The following EYA2 variants were observed in gnomAD, a reference collection of about 807,000 sequenced individuals.
The protein encoded by EYA2 is protein phosphatase EYA2.
EYA2 carries 31 observed loss-of-function variants against 69.2 expected under a neutral mutation model. That is an observed-to-expected ratio of 0.45 (90% confidence interval 0.34 to 0.60). EYA2 has a LOEUF of 0.60. Among genes scored for constraint, EYA2 ranks in the 20% least tolerant of loss-of-function variants. EYA2 has a pLI of 0.02. For synonymous variants in EYA2, 257 were observed against 279.4 expected, an observed-to-expected ratio of 0.92 and a Z score of 0.80; for missense variants, 622 against 701.2, an observed-to-expected ratio of 0.89 and a Z score of 1.28.
rs370597736 is a variant in EYA2, at chr20:47,158,665, A to T, written c.979-10474A>T. Among the ~76,000 whole-genome samples the T allele has an allele frequency of 1.7e-4, 26 of 152,128 alleles. 3 individuals carry two copies. In the East Asian group the frequency reaches 3.0e-3, roughly 17 times the overall value. ...CCAGAGCTCCATGGAGAAATGGCTG[A>T]TTCTAGGGCTGGGCCAAGAACTATA... On this transcript the variant is annotated intron_variant, in intron 10 of 15. Coordinates refer to ENST00000327619, the MANE Select transcript of EYA2 (RefSeq NM_005244.5).
chr20:47,166,424 A>AAAT (rs2034193742), intron 10 of EYA2, among the ~76,000 whole-genome samples: 1 of 143,496 alleles, frequency 7.0e-6, no homozygotes, highest in Admixed American at 6.8e-5. Flanking sequence ...AAAAAAAAAA[A>AAAT]AAAAAAAGCT....
chr20:47,000,286 G>A (rs1283493974), intron 2 of EYA2, among the ~76,000 whole-genome samples: 1 of 152,198 alleles, frequency 6.6e-6, no homozygotes, highest in African/African-American at 2.4e-5. Context: ...GTCCTTGCAA[G>A]ATAAGTATTT....
At chr20:47,054,884 T>C (rs1468295696) in intron 5 of EYA2, among the ~76,000 whole-genome samples, 1 of 152,240 alleles carries the variant, frequency 6.6e-6, no homozygotes, top group Non-Finnish European at 1.5e-5. Flanking sequence ...CAGGAATTTA[T>C]TGTAAACTGC....
chr20:46,939,427 G>T (rs771447029), intron 1 of EYA2, among the ~76,000 whole-genome samples: 17 of 152,094 alleles, frequency 1.1e-4, no homozygotes, highest in Non-Finnish European at 2.2e-4. Context: ...GAGAGATAAT[G>T]ACTTTATTTT....
intron 10 of EYA2, among the ~76,000 whole-genome samples, chr20:47,163,320 C>T (rs536797890): frequency 6.6e-6 from 1 of 152,132 alleles, no homozygotes; most frequent in Non-Finnish European, 1.5e-5. Context: ...TGTAAGCCAC[C>T]GCGCCCAGCC....
intron 12 of EYA2, 24 bp from the exon 13 acceptor site, chr20:47,179,774 C>T (rs1466017509): frequency 3.3e-6 from 5 of 1,532,226 alleles, no homozygotes; most frequent in African/African-American, 1.4e-5. Flanking sequence ...ACGATGACTA[C>T]ATCTTTATTT....
At chr20:46,995,684 C>T (rs1017277296) in intron 2 of EYA2, among the ~76,000 whole-genome samples, 1 of 152,226 alleles carries the variant, frequency 6.6e-6, no homozygotes, top group East Asian at 1.9e-4. Flanking sequence ...CCCTTAGAAG[C>T]CGGCCCCTGG....
At chr20:46,916,472 C>T (rs1984911129) in intron 1 of EYA2, among the ~76,000 whole-genome samples, 1 of 151,854 alleles carries the variant, frequency 6.6e-6, no homozygotes, top group Non-Finnish European at 1.5e-5. Context: ...GTGTGTGTAT[C>T]TGAGTATGAA....
intron 1 of EYA2, among the ~76,000 whole-genome samples, chr20:46,968,460 C>T (rs115078949): frequency 0.013 from 2,008 of 152,318 alleles, 24 homozygotes; most frequent in Middle Eastern, 0.068. Flanking sequence ...CAGGGACTCA[C>T]GCCCAAGGGT....
rs1187521856 is a variant in EYA2, at chr20:47,022,837, G to A, written c.415+6540G>A. 6.0e-5 allele frequency among the ~76,000 whole-genome samples: 9 copies of A among 150,076 alleles called. No homozygotes were observed. In the East Asian group the frequency reaches 1.8e-3, roughly 30 times the overall value. On this transcript the variant is annotated intron_variant, in intron 5 of 15. Transcript: ENST00000327619. ...GCCCAGCTAATTTTGTTTATTTTTT[G>A]TAGAGACGGGGTTTCATTGTGTTGC...
rs746329857 is a variant in EYA2 at position 47,016,261 on chromosome 20, C to G, written c.379C>G (p.Pro127Ala). ...CTATGGCTCCAGCTTCAGCACCTCA[C>G]CCACTGGACAGAGCCCATACACCTA... ...LSYGSSFSTS[P>A]TGQSPYTYQM... is the part of the protein sequence containing the mutation. Residue 127 changes from proline (P) to alanine (A), a missense_variant, in exon 5 of 16, where the codon CCC becomes GCC. Transcript: ENST00000327619. 6 of 1,614,204 alleles carry G rather than the reference C, an allele frequency of 3.7e-6. No homozygotes were observed. The highest frequency in any genetic ancestry group is 5.1e-6 in the Non-Finnish European group (6 of 1,180,022).
intron 5 of EYA2, among the ~76,000 whole-genome samples, chr20:47,018,726 TTTC>T (rs1983565018): frequency 1.3e-5 from 2 of 152,362 alleles, no homozygotes; most frequent in East Asian, 1.9e-4. Context: ...AATAATATTC[TTTC>T]TTCTTACAGC....
intron 9 of EYA2, among the ~76,000 whole-genome samples, chr20:47,105,316 G>A (rs1198702169): frequency 6.6e-6 from 1 of 152,122 alleles, no homozygotes; most frequent in Non-Finnish European, 1.5e-5. Flanking sequence ...TTTCTACATG[G>A]CTCCTTTATT....
intron 5 of EYA2, among the ~76,000 whole-genome samples, chr20:47,061,000 G>A (rs1287708584): frequency 3.3e-5 from 5 of 151,696 alleles, no homozygotes; most frequent in East Asian, 1.9e-4. Context: ...GGATTACAGC[G>A]CCTGCCACCA....
chr20:47,154,252 C>T (rs1366947593), intron 10 of EYA2, among the ~76,000 whole-genome samples: 2 of 152,012 alleles, frequency 1.3e-5, no homozygotes, highest in Admixed American at 1.3e-4. Flanking sequence ...AAACAGCTGT[C>T]TGGTGTCTCC....
chr20:47,182,225 G>A (rs562432980), intron 14 of EYA2, among the ~76,000 whole-genome samples: 227 of 152,014 alleles, frequency 1.5e-3, no homozygotes, highest in African/African-American at 5.3e-3. Flanking sequence ...TTGTTGGCCA[G>A]GCTAGTCTTG....
chr20:47,102,554 G>A (rs2032454045), intron 9 of EYA2, among the ~76,000 whole-genome samples: 1 of 152,216 alleles, frequency 6.6e-6, no homozygotes, highest in Non-Finnish European at 1.5e-5. Context: ...GCCAGAGTGG[G>A]GACTTGCTGT....
At chr20:47,184,413 CTTTTTTTT>C (rs36118012) in intron 15 of EYA2, among the ~76,000 whole-genome samples, 1 of 117,898 alleles carries the variant, frequency 8.5e-6, no homozygotes, top group African/African-American at 3.5e-5. Context: ...CATTGCATCC[CTTTTTTTT>C]TTTTTTTTTT....
At chr20:47,036,520 G>A (rs1419052282) in intron 5 of EYA2, among the ~76,000 whole-genome samples, 2 of 152,144 alleles carry the variant, frequency 1.3e-5, no homozygotes, top group African/African-American at 2.4e-5. Flanking sequence ...GCAATACAGG[G>A]ACTGTTATAA....
Sources: gnomAD v4.1 joint callset for allele counts (sites outside exome capture counted in the v4.1 genomes callset) on GRCh38, gnomAD v4.1.1 for gene constraint, MANE v1.5 for transcripts, NCBI Gene and HGNC (gene_info 2026-07-23, HGNC 2026-07-21) for gene names.